The following KLF12 variants were observed in gnomAD, a reference collection of about 807,000 sequenced individuals.
KLF12 encodes Krueppel-like factor 12.
Under a neutral mutation model 37.8 loss-of-function variants are expected in KLF12, and 9 were observed. The observed-to-expected ratio is 0.24, with a 90% CI of 0.14 to 0.42. The LOEUF (loss-of-function observed/expected upper bound fraction) is 0.42, where lower values mean the gene tolerates loss of function less well. Among genes scored for constraint, KLF12 ranks in the 10% least tolerant of loss-of-function variants. KLF12 has a pLI of 1.00. For synonymous variants in KLF12, 208 were observed against 202.1 expected (o/e 1.03, Z -0.25); for missense variants, 411 against 516.0 (o/e 0.80, Z 1.97).
the KLF12 span, among the ~76,000 whole-genome samples, chr13:74,181,974 G>C: frequency 5.9e-5 from 9 of 152,168 alleles, no homozygotes; most frequent in Non-Finnish European, 1.3e-4. Flanking sequence ...CACATATATA[G>C]TACGCTATAG....
intron 1 of KLF12, among the ~76,000 whole-genome samples, chr13:74,071,687 C>G (rs146983400): frequency 6.6e-6 from 1 of 151,802 alleles, no homozygotes; most frequent in Non-Finnish European, 1.5e-5. Context: ...AGCGAGACTC[C>G]GTCTCAAAAA....
At chr13:74,082,855 C>T (rs1290259828) in intron 1 of KLF12, among the ~76,000 whole-genome samples, 2 of 152,086 alleles carry the variant, frequency 1.3e-5, no homozygotes, top group African/African-American at 4.8e-5. Flanking sequence ...AGGGGAGGCA[C>T]ACTGACAGAC....
At chr13:73,817,349 C>CA (rs71199824) in intron 4 of KLF12, among the ~76,000 whole-genome samples, 24,756 of 132,424 alleles carry the variant, frequency 0.19, 2,318 homozygotes, top group Non-Finnish European at 0.23. Flanking sequence ...AAAAGAAAAA[C>CA]AAAAAAAAAA....
chr13:74,003,250 GA>G (rs1334083866), intron 1 of KLF12, among the ~76,000 whole-genome samples: 2 of 152,152 alleles, frequency 1.3e-5, no homozygotes, highest in Non-Finnish European at 2.9e-5. Flanking sequence ...GCTGAGTCTT[GA>G]AAAATGGGGA....
At chr13:73,807,676 A>G (rs1354532696) in intron 5 of KLF12, among the ~76,000 whole-genome samples, 1 of 152,218 alleles carries the variant, frequency 6.6e-6, no homozygotes, top group East Asian at 1.9e-4. Context: ...CAGAGAGAGT[A>G]GACTACTACT....
intron 1 of KLF12, among the ~76,000 whole-genome samples, chr13:74,085,004 T>TAA (rs1274540077): frequency 6.6e-6 from 1 of 152,146 alleles, no homozygotes; most frequent in African/African-American, 2.4e-5. Context: ...TAGAGCTTAT[T>TAA]AATACCCTAC....
chr13:73,748,143 C>T (rs1000622289), intron 6 of KLF12, among the ~76,000 whole-genome samples: 1 of 152,194 alleles, frequency 6.6e-6, no homozygotes, highest in African/African-American at 2.4e-5. Flanking sequence ...TATAACCAGG[C>T]ACACCTGGGA....
intron 3 of KLF12, among the ~76,000 whole-genome samples, chr13:73,849,375 T>TAAAAAAAAAAAAAAAAAA (rs574332239): frequency 4.0e-5 from 4 of 98,986 alleles, no homozygotes; most frequent in African/African-American, 1.9e-4. Context: ...GGAGACTCCA[T>TAAAAAAAAAAAAAAAAAA]AAAAAAAAAA....
chr13:74,099,868 G>T (rs1375827533), intron 1 of KLF12, among the ~76,000 whole-genome samples: 1 of 152,124 alleles, frequency 6.6e-6, no homozygotes, highest in Non-Finnish European at 1.5e-5. Context: ...ACTGAAAATA[G>T]AAATACATAC....
rs549239190 is a variant in KLF12 at position 73,997,465 on chromosome 13, G to T, written c.-31-2412C>A. Among the ~76,000 whole-genome samples the T allele has an allele frequency of 3.3e-5, 5 of 152,174 alleles. No homozygotes were observed. In the East Asian group the frequency reaches 9.6e-4, roughly 29 times the overall value. On this transcript the variant is annotated intron_variant, in intron 1 of 7. Transcript: ENST00000377669. The stretch of plus-strand genomic sequence containing the variant: ...AATCAACAGCCTAGATATCGAATAG[G>T]AAATAAAAAAGATTTCTCTAAATGG...
intron 6 of KLF12, among the ~76,000 whole-genome samples, chr13:73,757,818 T>C (rs1879273827): frequency 6.6e-6 from 1 of 152,174 alleles, no homozygotes; most frequent in African/African-American, 2.4e-5. Context: ...TCAGCCCAAA[T>C]ATATCCACTG....
chr13:74,300,141 C>T, the KLF12 span, among the ~76,000 whole-genome samples: 13 of 151,920 alleles, frequency 8.6e-5, no homozygotes, highest in South Asian at 6.2e-4. Flanking sequence ...GAGGAACTTA[C>T]GCAGAAAAAA....
chr13:74,040,984 T>C (rs36113547), intron 1 of KLF12, among the ~76,000 whole-genome samples: 154 of 152,334 alleles, frequency 1.0e-3, no homozygotes, highest in Middle Eastern at 3.4e-3. Context: ...TGATCCCTTC[T>C]TGTCCATTTG....
intron 7 of KLF12, among the ~76,000 whole-genome samples, chr13:73,709,501 T>A (rs1483173510): frequency 1.3e-5 from 2 of 152,200 alleles, no homozygotes; most frequent in Admixed American, 6.5e-5. Context: ...ATAGAAATAG[T>A]TTTGATTTCA....
the KLF12 span, among the ~76,000 whole-genome samples, chr13:74,249,091 C>T: frequency 6.6e-6 from 1 of 151,866 alleles, no homozygotes; most frequent in African/African-American, 2.4e-5. Flanking sequence ...AACGTGAGTC[C>T]AAAACCAGTC....
intron 3 of KLF12, among the ~76,000 whole-genome samples, chr13:73,889,389 T>C (rs1887390475): frequency 6.6e-6 from 1 of 152,200 alleles, no homozygotes; most frequent in African/African-American, 2.4e-5. Flanking sequence ...ATACTGTCTT[T>C]GAACACCTGG....
At chr13:74,068,480 G>C (rs1874042137) in intron 1 of KLF12, among the ~76,000 whole-genome samples, 1 of 152,032 alleles carries the variant, frequency 6.6e-6, no homozygotes, top group Non-Finnish European at 1.5e-5. Context: ...ATTCATGCTG[G>C]AAGAAAGTGT....
At chr13:74,263,798 C>CCTAT in the KLF12 span, among the ~76,000 whole-genome samples, 1 of 152,092 alleles carries the variant, frequency 6.6e-6, no homozygotes, top group African/African-American at 2.4e-5. Context: ...GTCATATGAC[C>CCTAT]CTATACTCAG....
intron 1 of KLF12, among the ~76,000 whole-genome samples, chr13:74,065,314 A>G (rs543502262): frequency 7.2e-5 from 11 of 152,192 alleles, no homozygotes; most frequent in African/African-American, 2.6e-4. Flanking sequence ...TGAAATTTAA[A>G]ACAGCAAATC....
Sources: allele counts gnomAD v4.1 joint callset (sites outside exome capture counted in the v4.1 genomes callset), GRCh38; gene constraint gnomAD v4.1.1; transcripts MANE v1.5; gene names NCBI Gene and HGNC (gene_info 2026-07-23, HGNC 2026-07-21).